SGCE: variants seen among roughly 807,000 people sequenced by gnomAD.
The protein encoded by SGCE is epsilon-sarcoglycan.
A neutral mutation model predicts 57.8 loss-of-function variants in SGCE; 26 were observed. That is an observed-to-expected ratio of 0.45 (90% CI 0.33 to 0.62). The LOEUF (loss-of-function observed/expected upper bound fraction) is 0.62, where lower values mean the gene tolerates loss of function less well. Ranked by LOEUF, SGCE falls within the 20% of genes least tolerant of loss-of-function variation. SGCE has a pLI of 0.02. For missense variants in SGCE, 468 were observed against 548.6 expected, an observed-to-expected ratio of 0.85 and a Z score of 1.47; for synonymous variants, 183 against 189.5, an observed-to-expected ratio of 0.97 and a Z score of 0.28.
At chr7:94,586,216 A>G (rs778842632) in intron 10 of SGCE, among the ~76,000 whole-genome samples, 1 of 152,124 alleles carries the variant, frequency 6.6e-6, no homozygotes, top group Non-Finnish European at 1.5e-5. Flanking sequence ...CATGTGCATA[A>G]TGTTCTGTGG....
chr7:94,599,132 T>C (rs1362885412), intron 8 of SGCE, 169 bp from the exon 9 acceptor site: 7 of 573,456 alleles, frequency 1.2e-5, no homozygotes, highest in Non-Finnish European at 2.1e-5. Flanking sequence ...TCACATACTT[T>C]TAATATAACA....
At chr7:94,600,617 A>G (rs774601701) in intron 7 of SGCE, 29 bp downstream of exon 7, 3 of 1,496,872 alleles carry the variant, frequency 2.0e-6, no homozygotes, top group Non-Finnish European at 2.8e-6. Flanking sequence ...CAGGATCTCT[A>G]ATTATCTTAT....
intron 1 of SGCE, among the ~76,000 whole-genome samples, chr7:94,649,953 AG>A (rs1253915313): frequency 6.6e-6 from 1 of 152,232 alleles, no homozygotes; most frequent in Non-Finnish European, 1.5e-5. Context: ...TACTCACAAA[AG>A]GGGTCCTGTA....
chr7:94,594,470 A>G (rs1215907074), intron 9 of SGCE: 2 of 152,110 alleles, frequency 1.3e-5, no homozygotes, highest in Non-Finnish European at 2.9e-5. Flanking sequence ...GTCATGGGAC[A>G]CAAGAAAGGT....
chr7:94,654,645 G>C (rs1808338331), intron 1 of SGCE, among the ~76,000 whole-genome samples: 1 of 151,932 alleles, frequency 6.6e-6, no homozygotes, highest in Admixed American at 6.6e-5. Flanking sequence ...CTAATAAAAA[G>C]TAAAATCTCA....
chr7:94,604,554 A>G (rs973819070), intron 5 of SGCE, among the ~76,000 whole-genome samples: 2 of 151,298 alleles, frequency 1.3e-5, no homozygotes, highest in African/African-American at 4.8e-5. Flanking sequence ...AGATCAATGG[A>G]ATAGAACTGA....
At chr7:94,632,332 A>G (rs61494127) in intron 1 of SGCE, among the ~76,000 whole-genome samples, 9,686 of 152,126 alleles carry the variant, frequency 0.064, 1,030 homozygotes, top group African/African-American at 0.22. Flanking sequence ...GAACTTGCAT[A>G]GAACATCTCA....
chr7:94,596,629 C>T (rs111744606), intron 9 of SGCE, among the ~76,000 whole-genome samples: 2 of 152,202 alleles, frequency 1.3e-5, no homozygotes, highest in African/African-American at 2.4e-5. Context: ...TTACAGTACT[C>T]GATAACCAGG....
intron 6 of SGCE, among the ~76,000 whole-genome samples, chr7:94,602,421 A>G (rs1383309245): frequency 6.6e-6 from 1 of 152,134 alleles, no homozygotes; most frequent in East Asian, 1.9e-4. Flanking sequence ...CTGGCTCTCT[A>G]AGACATGAAG....
intron 3 of SGCE, chr7:94,624,162 C>CAAA (rs11331999): frequency 4.0e-5 from 14 of 351,680 alleles, no homozygotes; most frequent in South Asian, 3.0e-4. Context: ...TGCAGTACCT[C>CAAA]AAAAAAAAAA....
intron 3 of SGCE, chr7:94,626,207 T>C (rs1390671869): frequency 1.3e-5 from 2 of 152,096 alleles, no homozygotes; most frequent in African/African-American, 2.4e-5. Flanking sequence ...GAAAATATCT[T>C]CTCCCAGTTT....
In SGCE at chr7:94,629,816, G is replaced by A. The variant is rs1394843820; in HGVS notation, c.135C>T (p.His45=). 3 of 1,610,144 alleles carry A rather than the reference G, an allele frequency of 1.9e-6. No individual in the cohort carries two copies. The highest frequency in any genetic ancestry group is 3.3e-5 in the Admixed American group (2 of 59,848). ...CTGATGGGTATACATTCCGATCGGAGTGTACCTTGGAGAAAATACTGTACA... is the reference window on the plus strand; with the variant it reads ...CTGATGGGTATACATTCCGATCGGAATGTACCTTGGAGAAAATACTGTACA... ...LTVYSIFSKV[H]SDRNVYPSAG... Residue 45 remains histidine (H), a synonymous_variant, in exon 2 of 11, where the codon CAC becomes CAT. Coordinates refer to ENST00000648936, the MANE Select transcript of SGCE (RefSeq NM_003919.3).
intron 5 of SGCE, chr7:94,617,946 T>A (rs1332782349): frequency 1.3e-5 from 2 of 152,228 alleles, no homozygotes; most frequent in Admixed American, 6.5e-5. Context: ...AAGGGGAATA[T>A]GCTATGCAAA....
At chr7:94,645,274 T>C (rs1806905634) in intron 1 of SGCE, among the ~76,000 whole-genome samples, 1 of 152,156 alleles carries the variant, frequency 6.6e-6, no homozygotes, top group African/African-American at 2.4e-5. Context: ...CACATTTTTA[T>C]TTATATATAT....
chr7:94,591,549 C>A (rs544254671), intron 9 of SGCE, among the ~76,000 whole-genome samples: 1 of 152,254 alleles, frequency 6.6e-6, no homozygotes, highest in South Asian at 2.1e-4. Flanking sequence ...TAAACAAAGA[C>A]ACATGTTTTC....
intron 1 of SGCE, among the ~76,000 whole-genome samples, chr7:94,643,903 C>T (rs939617177): frequency 6.6e-6 from 1 of 152,048 alleles, no homozygotes; most frequent in Non-Finnish European, 1.5e-5. Context: ...AAATATGTAT[C>T]CTACCTACAA....
At chr7:94,653,437 C>T (rs1256608387) in intron 1 of SGCE, among the ~76,000 whole-genome samples, 2 of 152,002 alleles carry the variant, frequency 1.3e-5, no homozygotes, top group African/African-American at 4.8e-5. Context: ...CAACCCTGTG[C>T]AAAATGGGCA....
chr7:94,588,972 C>T, intron 9 of SGCE: 1 of 525,636 alleles, frequency 1.9e-6, no homozygotes. Context: ...TCTAAAGTAC[C>T]TCACAACAAC....
chr7:94,637,512 C>G (rs1401650793), intron 1 of SGCE, among the ~76,000 whole-genome samples: 1 of 152,068 alleles, frequency 6.6e-6, no homozygotes, highest in Non-Finnish European at 1.5e-5. Flanking sequence ...TCTCTTGGGT[C>G]CCAAGGAGAA....
Sources: allele counts gnomAD v4.1 joint callset (sites outside exome capture counted in the v4.1 genomes callset), GRCh38; gene constraint gnomAD v4.1.1; transcripts MANE v1.5; gene names NCBI Gene and HGNC (gene_info 2026-07-23, HGNC 2026-07-21).